Variants in AHNAK2 observed in about 807,000 individuals in gnomAD.
The protein encoded by AHNAK2 is AHNAK nucleoprotein 2, also known as protein AHNAK2.
Under a neutral mutation model 30.7 loss-of-function variants are expected in AHNAK2, and 18 were observed. The observed-to-expected ratio is 0.59, with a 90% CI of 0.41 to 0.87. The LOEUF (loss-of-function observed/expected upper bound fraction) is 0.87. AHNAK2 is among the 40% of genes least tolerant of loss of function. The pLI is 0.00. For synonymous variants in AHNAK2, 3,590 were observed against 3,073.8 expected, an observed-to-expected ratio of 1.17 and a Z score of -5.56; for missense variants, 8,604 against 7,373.0, an observed-to-expected ratio of 1.17 and a Z score of -6.11.
In AHNAK2 at chr14:104,953,455, T is replaced by C. The variant is rs535172514; in HGVS notation, c.1996A>G (p.Lys666Glu). 9.9e-6 allele frequency: 16 copies of C among 1,614,068 alleles called. No homozygotes were observed. The highest frequency in any genetic ancestry group is 5.0e-5 in the Admixed American group (3 of 60,036). The change falls in exon 7 of 7, where the codon AAG (lysine) becomes GAG (glutamate). Residue 666 changes from lysine (K) to glutamate (E), a missense_variant. Physicochemically the swap from Lys to Glu is moderately conservative, Grantham distance 56. Coordinates refer to ENST00000333244, the MANE Select transcript of AHNAK2 (RefSeq NM_138420.4). ...TTGCTGTCTTTGGTGGCCACTTCCT[T>C]TTCTGTCAGAATTTGTTCCTTTTTT... ...RLKKEQILTE[K>E]EVATKDSKFK...
In AHNAK2 at chr14:104,938,851, C is replaced by T. The variant is rs1195929532; in HGVS notation, c.16600G>A (p.Val5534Met). The change falls in exon 7 of 7, where the codon GTG (valine) becomes ATG (methionine). Residue 5534 changes from valine (V) to methionine (M), a missense_variant. Coordinates refer to ENST00000333244, the MANE Select transcript of AHNAK2 (RefSeq NM_138420.4). ...KIPEPHTQARVYTTMTQHSRT... is the reference protein window; with the variant it reads ...KIPEPHTQARMYTTMTQHSRT... ...GAGTGTTGAGTCATTGTTGTGTACA[C>T]TCTAGCCTGCGTGTGGGGCTCTGGG... The T allele has an allele frequency of 1.2e-6, 2 of 1,613,778 alleles. No homozygotes were observed. Among genetic ancestry groups the T allele is most frequent in the East Asian group, 2.2e-5 (1 of 44,898 alleles).
Position 104,945,972 on chromosome 14 carries a change from T to G in AHNAK2, c.9479A>C (p.Lys3160Thr). The G allele has an allele frequency of 8.0e-7, 1 of 1,252,434 alleles. No homozygotes were observed. Among genetic ancestry groups the G allele is most frequent in the Non-Finnish European group, 1.1e-6 (1 of 885,216 alleles). 77.6% of individuals were successfully genotyped at this position (1,252,434 alleles called of 1,614,324 possible). ...CACATCCACCAAGACCTCAATGGAC[T>G]TGCCTGGGGCAGACACCCCGAACGA... ...MPSFGVSAPG[K>T]SIEVLVDVSA... is the part of the protein sequence containing the mutation. Residue 3160 changes from lysine to threonine, a missense_variant, in exon 7 of 7, where the codon AAG becomes ACG. Transcript: ENST00000333244.
In AHNAK2 at chr14:104,948,938, G is replaced by A. The variant is rs1459055736; in HGVS notation, c.6513C>T (p.Ser2171=). The A allele has an allele frequency of 2.1e-6, 3 of 1,399,628 alleles. No individual in the cohort carries two copies. Among genetic ancestry groups the A allele is most frequent in the African/African-American group, 2.8e-5 (2 of 72,144 alleles). The allele number at this position is 1,399,628 out of a possible 1,614,324, so 86.7% of individuals were successfully genotyped here. A position where few individuals can be genotyped will look rare whatever the true frequency, so the allele number is the denominator to read the frequency against. Residue 2171 remains serine (S), a synonymous_variant, in exon 7 of 7, where the codon TCC becomes TCT. Coordinates refer to ENST00000333244, the MANE Select transcript of AHNAK2 (RefSeq NM_138420.4). ...GAGACACATCCACCGAGGCCTCGAT[G>A]GACTTGCCTGGGGCAGACACCCCAA... ...PSFGVSAPGK[S]IEASVDVSPP...
In AHNAK2 at chr14:104,940,961, G is replaced by T. The variant is rs1897962248; in HGVS notation, c.14490C>A (p.Asp4830Glu). ...TTGGAACTCCCTCTGGAGGCTGCAG[G>T]TCAGTGGAGCACTCTGTCTTGGGAA... ...IPLPKTECST[D>E]LQPPEGVPTS... The change falls in exon 7 of 7, where the codon GAC becomes GAA. Residue 4830 changes from aspartate (D) to glutamate (E), a missense_variant. Transcript: ENST00000333244. This position sits in a 1 kb window ranked among gnomAD's most constrained non-coding sequence, Gnocchi z 4.4. 6.2e-7 allele frequency: 1 copy of T among 1,612,994 alleles called. No homozygotes were observed. The highest frequency in any genetic ancestry group is 1.3e-5 in the African/African-American group (1 of 74,918).
Position 104,950,482 on chromosome 14 carries a change from T to C in AHNAK2, c.4969A>G (p.Lys1657Glu). Residue 1657 changes from lysine (K) to glutamate (E), a missense_variant, in exon 7 of 7, where the codon AAG becomes GAG. Coordinates refer to ENST00000333244, the MANE Select transcript of AHNAK2 (RefSeq NM_138420.4). ...ADKAVTAKDS[K>E]FKMPKFKMPS... is the part of the protein sequence containing the mutation. The stretch of plus-strand genomic sequence containing the variant: ...ATCTTGAACTTGGGCATTTTGAACT[T>C]GCTGTCTTTGGCAGTCACCGCCTTG... The C allele has an allele frequency of 6.3e-7, 1 of 1,586,412 alleles. No homozygotes were observed.
At position 104,947,260 on chromosome 14, in the gene AHNAK2, G is replaced by C. The variant is rs1205218961; in HGVS notation, c.8191C>G (p.Leu2731Val). The C allele has an allele frequency of 6.2e-7, 1 of 1,611,750 alleles. No individual in the cohort carries two copies. The highest frequency in any genetic ancestry group is 8.5e-7 in the Non-Finnish European group (1 of 1,179,412). Residue 2731 changes from leucine to valine, a missense_variant, in exon 7 of 7, where the codon CTG becomes GTG. Coordinates refer to ENST00000333244, the MANE Select transcript of AHNAK2 (RefSeq NM_138420.4). The stretch of plus-strand genomic sequence containing the variant: ...AAACTGGGCATCTGCAGCTTGGGCA[G>C]GTGCCCTTTGAGGCCGGCTCCCTCG... ...VPEGAGLKGHLPKLQMPSFKM... is the reference protein window; with the variant it reads ...VPEGAGLKGHVPKLQMPSFKM...
chr14:104,955,109 C>T lies in AHNAK2; in HGVS notation c.499G>A (p.Glu167Lys). 6.2e-7 allele frequency: 1 copy of T among 1,612,694 alleles called. No individual in the cohort carries two copies. The highest frequency in any genetic ancestry group is 8.5e-7 in the Non-Finnish European group (1 of 1,179,804). ...AGAGCATCTTCATATTTTATGTTTT[C>T]AAAGAACACGGTTGTACTGAGCAGC... Reference protein sequence around the residue: ...DQLLSTTVFFENIKYEDALKI... With the variant: ...DQLLSTTVFFKNIKYEDALKI... The change falls in exon 6 of 7, where the codon GAA becomes AAA. Residue 167 changes from glutamate (E) to lysine (K), a missense_variant. Transcript: ENST00000333244.
rs200712744 is a variant in AHNAK2 at position 104,938,906 on chromosome 14, C to T, written c.16545G>A (p.Ser5515=). The T allele has an allele frequency of 5.3e-4, 860 of 1,613,658 alleles. 4 individuals carry two copies. In the Middle Eastern group the frequency reaches 0.011, roughly 20 times the overall value. Residue 5515 remains serine (S), a synonymous_variant, in exon 7 of 7, where the codon TCG becomes TCA. Transcript: ENST00000333244. The part of the protein sequence containing the change: ...EIPTSEIQTP[S]YGFSLLKVKI... ...TCACTTTTAATAAGGAAAATCCGTA[C>T]GAAGGTGTTTGAATCTCTGACGTGG...
rs367546618 is a variant in AHNAK2, at chr14:104,957,605, C to G, written c.114+9G>C. On this transcript the variant is annotated intron_variant, in intron 2 of 6. Coordinates refer to ENST00000333244, the MANE Select transcript of AHNAK2 (RefSeq NM_138420.4). The stretch of plus-strand genomic sequence containing the variant: ...TGAGGAGGACACACTTCCTCCTGCT[C>G]TCACTTACAGAGTGGTCATCTTCCG... 2.1e-5 allele frequency: 34 copies of G among 1,610,054 alleles called. No individual in the cohort carries two copies. In the Middle Eastern group the frequency reaches 1.5e-3, roughly 70 times the overall value.
rs561039813 is a variant in AHNAK2 at position 104,952,619 on chromosome 14, G to A, written c.2832C>T (p.Asp944=). The A allele has an allele frequency of 1.2e-6, 2 of 1,612,498 alleles. No individual in the cohort carries two copies. Among genetic ancestry groups the A allele is most frequent in the East Asian group, 2.2e-5 (1 of 44,734 alleles). The change falls in exon 7 of 7, where the codon GAC becomes GAT. Residue 944 remains aspartate (D), a synonymous_variant. Coordinates refer to ENST00000333244, the MANE Select transcript of AHNAK2 (RefSeq NM_138420.4). The part of the protein sequence containing the change: ...PQIDVKGPKL[D]LKGPKAEVTA... ...TCACTTCCGCCTTGGGGCCTTTCAG[G>A]TCCAGCTTGGGGCCCTTAACATCTA... is the stretch of plus-strand genomic sequence containing the variant.
In AHNAK2 at chr14:104,954,027, G is replaced by T. The variant is rs371731985; in HGVS notation, c.1424C>A (p.Thr475Lys). The change falls in exon 7 of 7, where the codon ACA becomes AAA. Residue 475 changes from threonine (T) to lysine (K), a missense_variant. By Grantham distance (78) the Thr-to-Lys change is moderately conservative. Transcript: ENST00000333244. The surrounding 1 kb of genome is among the most constrained non-coding windows in gnomAD (Gnocchi z 4.3). Reference protein sequence around the residue: ...LSLRDTTEGGTQIGPPEIRVR... With the variant: ...LSLRDTTEGGKQIGPPEIRVR... ...CCTAATTTCTGGTGGGCCAATCTGT[G>T]TGCCTCCTTCGGTTGTGTCTCTCAA... The T allele has an allele frequency of 8.7e-6, 14 of 1,613,692 alleles. No individual in the cohort carries two copies. Among genetic ancestry groups the T allele is most frequent in the Non-Finnish European group, 1.2e-5 (14 of 1,179,870 alleles).
rs776192528 is a variant in AHNAK2, at chr14:104,954,037, C to T, written c.1414G>A (p.Glu472Lys). Residue 472 changes from glutamate (E) to lysine (K), a missense_variant, in exon 7 of 7, where the codon GAA (glutamate) becomes AAA (lysine). Glu to Lys is a moderately conservative substitution (Grantham distance 56). Transcript: ENST00000333244. The surrounding 1 kb of genome is among the most constrained non-coding windows in gnomAD (Gnocchi z 4.3). ...GGTGGGCCAATCTGTGTGCCTCCTT[C>T]GGTTGTGTCTCTCAAGGACAGTCTG... ...IARLSLRDTT[E>K]GGTQIGPPEI... 19 of 1,613,494 alleles carry T rather than the reference C, an allele frequency of 1.2e-5. No individual in the cohort carries two copies. Among genetic ancestry groups the T allele is most frequent in the East Asian group, 2.2e-5 (1 of 44,886 alleles).
Position 104,953,759 on chromosome 14 carries a change from C to T in AHNAK2, c.1692G>A (p.Arg564=), listed in dbSNP as rs375008555. The change falls in exon 7 of 7, where the codon AGG becomes AGA. Residue 564 remains arginine (R), a synonymous_variant. Coordinates refer to ENST00000333244, the MANE Select transcript of AHNAK2 (RefSeq NM_138420.4). ...GDGEEGLQRT[R]ITEEQDKGRE... ...TGCCCTTGTCCTGTTCCTCAGTGAT[C>T]CTTGTCCTCTGTAGTCCTTCCTCTC... is the stretch of plus-strand genomic sequence containing the variant. 8.7e-6 allele frequency: 14 copies of T among 1,613,814 alleles called. No homozygotes were observed. The highest frequency in any genetic ancestry group is 1.2e-5 in the Non-Finnish European group (14 of 1,179,902).
rs765802330 is a variant in AHNAK2 at position 104,950,817 on chromosome 14, G to T, written c.4634C>A (p.Pro1545His). ...DLKATDLSIQPPSADLEVQAG... is the reference protein window; with the variant it reads ...DLKATDLSIQHPSADLEVQAG... Reference sequence around the variant, plus strand: ...CTGGACCTCCAGGTCAGCAGAAGGGGGCTGTATGCTCAGGTCAGTGGCCTT... The same window carrying T: ...CTGGACCTCCAGGTCAGCAGAAGGGTGCTGTATGCTCAGGTCAGTGGCCTT... Residue 1545 changes from proline to histidine, a missense_variant, in exon 7 of 7, where the codon CCC becomes CAC. Pro to His is a moderately conservative substitution (Grantham distance 77, BLOSUM62 -2). Coordinates refer to ENST00000333244, the MANE Select transcript of AHNAK2 (RefSeq NM_138420.4). The T allele has an allele frequency of 6.3e-7, 1 of 1,585,978 alleles. No individual in the cohort carries two copies. The highest frequency in any genetic ancestry group is 1.1e-5 in the South Asian group (1 of 89,656).
Position 104,957,438 on chromosome 14 carries a change from G to C in AHNAK2, c.185C>G (p.Thr62Arg), listed in dbSNP as rs763609118. 1 of 1,594,902 alleles carries C rather than the reference G, an allele frequency of 6.3e-7. No individual in the cohort carries two copies. Among genetic ancestry groups the C allele is most frequent in the South Asian group, 1.1e-5 (1 of 90,052 alleles). Residue 62 changes from threonine (T) to arginine (R), a missense_variant, in exon 3 of 7, where the codon ACG becomes AGG. Transcript: ENST00000333244. ...PQGSSPVYEYTTEAADFGLQE... is the reference protein window; with the variant it reads ...PQGSSPVYEYRTEAADFGLQE... ...GAGTCCAAAGTCGGCAGCCTCAGTC[G>C]TGTATTCGTAGACAGGTGAAGACCC... is the stretch of plus-strand genomic sequence containing the variant.
chr14:104,950,327 A>G lies in AHNAK2; in HGVS notation c.5124T>C (p.Ile1708=), dbSNP rs372484513. 44 of 1,581,400 alleles carry G rather than the reference A, an allele frequency of 2.8e-5. 5 individuals are homozygous for G. Among genetic ancestry groups the G allele is most frequent in the Non-Finnish European group, 3.7e-5 (43 of 1,160,818 alleles). ...CCTCCAGGTCGGCGGAAGGGGACTG[A>G]ATGCTGAGGTCAGTGGTCTTCAGGT... is the stretch of plus-strand genomic sequence containing the variant. ...QGDLKTTDLS[I]QSPSADLEVQ... The change falls in exon 7 of 7, where the codon ATT becomes ATC. Residue 1708 remains isoleucine (I), a synonymous_variant. Transcript: ENST00000333244.
chr14:104,961,131 CAA>C (rs34813519), intron 1 of AHNAK2, among the ~76,000 whole-genome samples: 1 of 131,108 alleles, frequency 7.6e-6, no homozygotes. Context: ...ACTCTGTCTC[CAA>C]AAAAAAAAAC....
At position 104,938,265 on chromosome 14, in the gene AHNAK2, T is replaced by G; in HGVS notation, c.17186A>C (p.Glu5729Ala). Residue 5729 changes from glutamate to alanine, a missense_variant, in exon 7 of 7, where the codon GAA becomes GCA. By Grantham distance (107) the Glu-to-Ala change is moderately radical. Transcript: ENST00000333244. ...TCGGGCATCAAAAAACGTGATTGTT[T>G]CTTCTTGAAGTTTTTGTTCTTCCAG... is the stretch of plus-strand genomic sequence containing the variant. ...AELEEQKLQE[E>A]TITFFDARES... is the part of the protein sequence containing the mutation. 6.2e-7 allele frequency: 1 copy of G among 1,613,930 alleles called. No homozygotes were observed. The highest frequency in any genetic ancestry group is 8.5e-7 in the Non-Finnish European group (1 of 1,179,860).
At chr14:104,962,680 C>T (rs1015384088) in intron 1 of AHNAK2, among the ~76,000 whole-genome samples, 2 of 152,110 alleles carry the variant, frequency 1.3e-5, no homozygotes, top group Non-Finnish European at 2.9e-5. Context: ...AAGTGATCCA[C>T]CTGCCTTGGC....
Sources: allele counts gnomAD v4.1 joint callset (sites outside exome capture counted in the v4.1 genomes callset), GRCh38; gene constraint gnomAD v4.1.1; non-coding constraint Gnocchi (gnomAD v3.1); transcripts MANE v1.5; gene names NCBI Gene and HGNC (gene_info 2026-07-23, HGNC 2026-07-21).